Variants in ERBIN observed in about 807,000 individuals in gnomAD.
ERBIN encodes the protein densin-180-like protein.
Under a neutral mutation model 158.4 loss-of-function variants are expected in ERBIN, and 60 were observed. The ratio of observed to expected loss-of-function variants is 0.38; its 90% confidence interval spans 0.31 to 0.47. The LOEUF is 0.47. Among genes scored for constraint, ERBIN ranks in the 20% least tolerant of loss-of-function variants. The pLI is 0.99. For missense variants in ERBIN, 1,610 were observed against 1,648.0 expected (o/e 0.98, Z 0.40); for synonymous variants, 594 against 557.2 (o/e 1.07, Z -0.93).
chr5:65,969,986 CT>C (rs757484723), intron 1 of ERBIN, among the ~76,000 whole-genome samples: 2 of 152,076 alleles, frequency 1.3e-5, no homozygotes. Context: ...AGATGTTTCT[CT>C]TTTTAAAGAC....
chr5:66,079,613 A>C lies in ERBIN; in HGVS notation c.*1083A>C, dbSNP rs1477105453. ...CAGTACACTTGGAGCTAGGAAACCA[A>C]AGCAAGCTTTGTGAAACTGGCACAG... On this transcript the variant is annotated 3_prime_UTR_variant, in exon 26 of 26. Coordinates refer to ENST00000284037, the MANE Select transcript of ERBIN (RefSeq NM_001253697.2). 1 of 152,608 alleles carries C rather than the reference A, an allele frequency of 6.6e-6. No homozygotes were observed. The highest frequency in any genetic ancestry group is 2.4e-5 in the African/African-American group (1 of 41,428). The allele number at this position is 152,608 out of a possible 1,614,324, so 9.5% of individuals were successfully genotyped here.
intron 4 of ERBIN, among the ~76,000 whole-genome samples, chr5:66,004,348 G>A (rs1159731591): frequency 6.6e-6 from 1 of 152,124 alleles, no homozygotes; most frequent in Non-Finnish European, 1.5e-5. Flanking sequence ...GAATTAAGAA[G>A]TAAATTGTGA....
chr5:65,998,894 C>CA lies in ERBIN; in HGVS notation c.307+4055dup, dbSNP rs34966696. On this transcript the variant is annotated intron_variant, in intron 4 of 25. Coordinates refer to ENST00000284037, the MANE Select transcript of ERBIN (RefSeq NM_001253697.2). ...TGGAAAATAGAGCAAGACCCTGTCT[C>CA]AAAAAAAAAAAAAAAAAAAAAAAAA... 9.2e-3 allele frequency among the ~76,000 whole-genome samples: 639 copies of CA among 69,452 alleles called. 2 individuals are homozygous for CA. Among genetic ancestry groups the CA allele is most frequent in the Middle Eastern group, 0.032 (4 of 124 alleles). 45.6% of individuals were successfully genotyped at this position (69,452 alleles called of 152,430 possible). A position where few individuals can be genotyped will look rare whatever the true frequency, so the allele number is the denominator to read the frequency against.
At chr5:65,937,196 A>C (rs1336336026) in intron 1 of ERBIN, among the ~76,000 whole-genome samples, 2 of 152,178 alleles carry the variant, frequency 1.3e-5, no homozygotes, top group Admixed American at 6.5e-5. Flanking sequence ...TGCCATATGG[A>C]TGCTTAAATT....
At chr5:66,037,243 G>A (rs1049714606) in intron 14 of ERBIN, among the ~76,000 whole-genome samples, 1 of 152,062 alleles carries the variant, frequency 6.6e-6, no homozygotes, top group South Asian at 2.1e-4. Context: ...AAAGAGCCAG[G>A]AATAGATGAA....
In ERBIN at chr5:66,054,205, A is replaced by G; in HGVS notation, c.2887A>G (p.Ser963Gly). ...EEPNIIRGPT[S>G]GPQSAPQIYG... ...GCCAAATATAATAAGAGGCCCCACA[A>G]GTGGCCCACAATCTGCACCTCAAAT... is the stretch of plus-strand genomic sequence containing the variant. The change falls in exon 21 of 26, where the codon AGT becomes GGT. Residue 963 changes from serine to glycine, a missense_variant. Ser to Gly is a moderately conservative substitution (Grantham distance 56, BLOSUM62 0). Transcript: ENST00000284037. 6.2e-7 allele frequency: 1 copy of G among 1,614,164 alleles called. No homozygotes were observed. Among genetic ancestry groups the G allele is most frequent in the Admixed American group, 1.7e-5 (1 of 60,008 alleles).
At chr5:65,964,684 C>T (rs1421833217) in intron 1 of ERBIN, among the ~76,000 whole-genome samples, 1 of 150,878 alleles carries the variant, frequency 6.6e-6, no homozygotes, top group Non-Finnish European at 1.5e-5. Flanking sequence ...GTACTGCAGA[C>T]ATTTGCACTA....
At position 66,028,314 on chromosome 5, in the gene ERBIN, T is replaced by G; in HGVS notation, c.1177T>G (p.Leu393Val). ...CTTTAGCTTTACAAAGCTACAGCAA[T>G]TGACAGCTATGTGGCTCTCAGATAA... ...LPFSFTKLQQ[L>V]TAMWLSDNQS... Residue 393 changes from leucine (L) to valine (V), a missense_variant, in exon 14 of 26, where the codon TTG (leucine) becomes GTG (valine). Transcript: ENST00000284037. 2 of 1,612,880 alleles carry G rather than the reference T, an allele frequency of 1.2e-6. No individual in the cohort carries two copies. The highest frequency in any genetic ancestry group is 2.2e-5 in the South Asian group (2 of 90,944).
At chr5:65,990,657 C>CA (rs1443093219) in intron 2 of ERBIN, among the ~76,000 whole-genome samples, 4 of 140,036 alleles carry the variant, frequency 2.9e-5, no homozygotes, top group Admixed American at 1.5e-4. Context: ...GACTCCATCT[C>CA]AAAAAAAAAT....
At chr5:66,052,271 T>C (rs1379288129) in intron 20 of ERBIN, among the ~76,000 whole-genome samples, 1 of 152,126 alleles carries the variant, frequency 6.6e-6, no homozygotes, top group East Asian at 1.9e-4. Flanking sequence ...AATAGTCATT[T>C]AGAGTTGTTC....
At chr5:66,073,802 A>G (rs1000006724) in intron 22 of ERBIN, among the ~76,000 whole-genome samples, 5 of 152,188 alleles carry the variant, frequency 3.3e-5, no homozygotes, top group Non-Finnish European at 5.9e-5. Flanking sequence ...CAAGGAAATT[A>G]TAAGTTAATA....
chr5:66,008,689 T>G (rs1753875695), intron 4 of ERBIN, among the ~76,000 whole-genome samples: 1 of 152,202 alleles, frequency 6.6e-6, no homozygotes, highest in Admixed American at 6.5e-5. Context: ...TACTTGGCTA[T>G]TTCGAAATAC....
intron 4 of ERBIN, among the ~76,000 whole-genome samples, chr5:66,007,884 T>C (rs1245193382): frequency 6.6e-6 from 1 of 152,150 alleles, no homozygotes; most frequent in African/African-American, 2.4e-5. Flanking sequence ...AGGTGGGAAC[T>C]GGAGATACAG....
chr5:66,029,574 C>CTGTT (rs1561397250), intron 14 of ERBIN, among the ~76,000 whole-genome samples: 1 of 151,180 alleles, frequency 6.6e-6, no homozygotes, highest in African/African-American at 2.4e-5. Flanking sequence ...TCTGTTCTGT[C>CTGTT]CTGTCCTGTC....
At chr5:65,948,922 T>G (rs947530259) in intron 1 of ERBIN, among the ~76,000 whole-genome samples, 6 of 151,912 alleles carry the variant, frequency 3.9e-5, no homozygotes, top group African/African-American at 1.5e-4. Flanking sequence ...TTCCACCATG[T>G]CCGGCTAATT....
chr5:66,054,415 C>T lies in ERBIN; in HGVS notation c.3097C>T (p.His1033Tyr), dbSNP rs1372212517. 8 of 1,614,026 alleles carry T rather than the reference C, an allele frequency of 5.0e-6. No homozygotes were observed. The African/African-American group carries it at 9.3e-5, about 19-fold the overall frequency. The change falls in exon 21 of 26, where the codon CAT (histidine) becomes TAT (tyrosine). Residue 1033 changes from histidine to tyrosine, a missense_variant. By Grantham distance (83) the His-to-Tyr change is moderately conservative (BLOSUM62 2). Coordinates refer to ENST00000284037, the MANE Select transcript of ERBIN (RefSeq NM_001253697.2). ...TTCTGCCAATATGAATTTCTCTAAT[C>T]ATAACAATGTTCGAGCTAATACTGC... Reference protein sequence around the residue: ...KHSANMNFSNHNNVRANTAYH... With the variant: ...KHSANMNFSNYNNVRANTAYH...
chr5:66,057,069 A>G (rs562868375), intron 21 of ERBIN, among the ~76,000 whole-genome samples: 1 of 152,320 alleles, frequency 6.6e-6, no homozygotes, highest in Non-Finnish European at 1.5e-5. Context: ...TTCATGTTTT[A>G]TAAACCACAT....
intron 1 of ERBIN, among the ~76,000 whole-genome samples, chr5:65,944,703 A>C (rs1561277972): frequency 6.6e-6 from 1 of 152,110 alleles, no homozygotes; most frequent in Non-Finnish European, 1.5e-5. Flanking sequence ...ACCTGGCCTT[A>C]TTATGGTTTT....
chr5:65,930,809 C>T (rs1225874627), intron 1 of ERBIN, among the ~76,000 whole-genome samples: 1 of 152,166 alleles, frequency 6.6e-6, no homozygotes, highest in African/African-American at 2.4e-5. Context: ...CTGTACCTTC[C>T]TCTTCTGTCC....
Sources: allele counts gnomAD v4.1 joint callset (sites outside exome capture counted in the v4.1 genomes callset), GRCh38; gene constraint gnomAD v4.1.1; transcripts MANE v1.5; gene names NCBI Gene and HGNC (gene_info 2026-07-23, HGNC 2026-07-21).